The following BCOR variants were observed in gnomAD, a reference collection of about 807,000 sequenced individuals.
BCOR encodes the protein BCL6 corepressor, also known as BCL-6 corepressor.
Under a neutral mutation model 86.7 loss-of-function variants are expected in BCOR, and 10 were observed. The ratio of observed to expected loss-of-function variants is 0.12; its 90% CI spans 0.07 to 0.20. BCOR has a LOEUF of 0.20. BCOR is among the 10% of genes least tolerant of loss of function. BCOR has a pLI of 1.00. For synonymous variants in BCOR, 611 were observed against 609.0 expected (o/e 1.00, Z -0.05); for missense variants, 1,259 against 1,452.1 (o/e 0.87, Z 2.16).
At chrX:40,057,630 A>AC (rs1337118465) in intron 10 of BCOR, among the ~76,000 whole-genome samples, 5 of 111,802 alleles carry the variant, frequency 4.5e-5, no homozygotes, top group African/African-American at 1.6e-4. Flanking sequence ...AAGAAACTGT[A>AC]ATTAGAGACC....
chrX:40,176,931 C>T (rs1336405595), intron 1 of BCOR: 1 of 111,282 alleles, frequency 9.0e-6, no homozygotes, highest in Non-Finnish European at 1.9e-5. Context: ...GGGGCCCTGG[C>T]GTCCTCTACT....
intron 1 of BCOR, among the ~76,000 whole-genome samples, chrX:40,124,034 C>G (rs1937518200): frequency 9.0e-6 from 1 of 111,276 alleles, no homozygotes; most frequent in South Asian, 3.7e-4. Context: ...ACCAGAGAAG[C>G]TGATAGGAGA....
upstream of BCOR, among the ~76,000 whole-genome samples, chrX:40,102,349 C>T (rs1041701021): frequency 7.1e-5 from 8 of 113,064 alleles, no homozygotes; most frequent in African/African-American, 2.6e-4. Flanking sequence ...CTGGCATCTA[C>T]ACTACGGGGG....
At chrX:40,132,218 C>T (rs1937610124) in intron 1 of BCOR, among the ~76,000 whole-genome samples, 1 of 112,176 alleles carries the variant, frequency 8.9e-6, no homozygotes, top group South Asian at 3.7e-4. Context: ...GCTGCAGCCC[C>T]TGTTGATGTG....
chrX:40,055,313 G>A (rs983529624), intron 12 of BCOR, 55 bp downstream of exon 12: 1 of 1,089,170 alleles, frequency 9.2e-7, no homozygotes, highest in African/African-American at 1.8e-5. Flanking sequence ...ATCATCTATT[G>A]TATCGAGTTA....
At chrX:40,094,429 C>A (rs1390638184) in intron 1 of BCOR, among the ~76,000 whole-genome samples, 1 of 112,968 alleles carries the variant, frequency 8.9e-6, no homozygotes, top group Non-Finnish European at 1.9e-5. Context: ...GTAGGGGGCC[C>A]ACAGGCACTG....
chrX:40,055,748 GACTAA>G (rs1360245962), intron 11 of BCOR, among the ~76,000 whole-genome samples: 2 of 102,305 alleles, frequency 2.0e-5, no homozygotes, highest in East Asian at 6.3e-4. Flanking sequence ...TTATTTTGAT[GACTAA>G]CCCTTTACAG....
At chrX:40,083,453 G>A (rs1163668715) in intron 1 of BCOR, among the ~76,000 whole-genome samples, 2 of 112,377 alleles carry the variant, frequency 1.8e-5, no homozygotes, top group African/African-American at 3.2e-5. Flanking sequence ...TAAGGGGGAG[G>A]GGGAAGGGGA....
chrX:40,062,803 C>T lies in BCOR; in HGVS notation c.4116G>A (p.Glu1372=). Residue 1372 remains glutamate (E), a synonymous_variant, in exon 9 of 15, where the codon GAG becomes GAA. Coordinates refer to ENST00000378444, the MANE Select transcript of BCOR (RefSeq NM_001123385.2). ...LCKTKHLIPQ[E]SRRGLPLTGE... is the part of the protein sequence containing the mutation. ...CTGTCAGTGGCAATCCCCGCCTGGACTCCTGAGGGATCAAGTGTTTGGTTT... is the reference window on the plus strand; with the variant it reads ...CTGTCAGTGGCAATCCCCGCCTGGATTCCTGAGGGATCAAGTGTTTGGTTT... The T allele has an allele frequency of 2.5e-6, 3 of 1,211,765 alleles. No homozygotes were observed. The highest frequency in any genetic ancestry group is 3.5e-5 in the South Asian group (2 of 56,913).
chrX:40,126,531 A>AG (rs1569187644), intron 1 of BCOR, among the ~76,000 whole-genome samples: 26 of 110,667 alleles, frequency 2.3e-4, no homozygotes, highest in African/African-American at 8.2e-4. Context: ...TCAAAAAAAA[A>AG]AAAAAAGAAA....
intron 11 of BCOR, among the ~76,000 whole-genome samples, chrX:40,056,672 G>C (rs895926161): frequency 1.1e-4 from 12 of 112,183 alleles, no homozygotes; most frequent in African/African-American, 3.9e-4. Context: ...AAGATGTTCA[G>C]GCTGACTCAG....
intron 1 of BCOR, among the ~76,000 whole-genome samples, chrX:40,138,647 C>T (rs772414712): frequency 2.7e-5 from 3 of 110,618 alleles, no homozygotes; most frequent in East Asian, 2.8e-4. Context: ...CTCCGCCTCC[C>T]GGGTTCAAGC....
rs1255802739 is a variant in BCOR at position 40,057,341 on chromosome X, G to C, written c.4429-20C>G. 8.3e-7 allele frequency: 1 copy of C among 1,200,553 alleles called. No individual in the cohort carries two copies. Among genetic ancestry groups the C allele is most frequent in the Non-Finnish European group, 1.1e-6 (1 of 886,415 alleles). Reference sequence around the variant, plus strand: ...CACTTCCTGTGGGGAGGGGAGGGAAGAATGCCATCAGATCACTGCACAATG... The same window carrying C: ...CACTTCCTGTGGGGAGGGGAGGGAACAATGCCATCAGATCACTGCACAATG... On this transcript the variant is annotated intron_variant, in intron 10 of 14. Coordinates refer to ENST00000378444, the MANE Select transcript of BCOR (RefSeq NM_001123385.2).
chrX:40,133,932 A>G (rs147655029), intron 1 of BCOR, among the ~76,000 whole-genome samples: 249 of 111,000 alleles, frequency 2.2e-3, no homozygotes, highest in African/African-American at 7.8e-3. Context: ...AAGCGAGGAG[A>G]TAAGGCGTAA....
intron 1 of BCOR, among the ~76,000 whole-genome samples, chrX:40,169,659 C>T (rs929327149): frequency 3.6e-5 from 4 of 109,792 alleles, no homozygotes; most frequent in African/African-American, 1.4e-4. Context: ...TAGGACAATC[C>T]CCCCCCTACT....
intron 3 of BCOR, 130 bp from the exon 4 acceptor site, chrX:40,075,310 C>CGGGGTGGG: frequency 6.8e-6 from 1 of 146,485 alleles, no homozygotes. Context: ...GACAGGCTTC[C>CGGGGTGGG]GGCGGGGCGG....
intron 1 of BCOR, among the ~76,000 whole-genome samples, chrX:40,158,088 C>A (rs1938333020): frequency 8.9e-6 from 1 of 112,200 alleles, no homozygotes; most frequent in South Asian, 3.7e-4. Context: ...CAGTGGTCCC[C>A]GCTGGTCCCC....
At chrX:40,175,491 G>A (rs1315153480) in intron 1 of BCOR, among the ~76,000 whole-genome samples, 1 of 113,439 alleles carries the variant, frequency 8.8e-6, no homozygotes, top group Non-Finnish European at 1.9e-5. Flanking sequence ...GTGCGCACAC[G>A]AGAGGTGAAG....
intron 1 of BCOR, among the ~76,000 whole-genome samples, chrX:40,169,305 TGTGC>T (rs1938570332): frequency 8.9e-6 from 1 of 112,025 alleles, no homozygotes; most frequent in Non-Finnish European, 1.9e-5. Context: ...GAGCATCTGA[TGTGC>T]TCAACAGATT....
Sources: gnomAD v4.1 joint callset for allele counts (sites outside exome capture counted in the v4.1 genomes callset) on GRCh38, gnomAD v4.1.1 for gene constraint, MANE v1.5 for transcripts, NCBI Gene and HGNC (gene_info 2026-07-23, HGNC 2026-07-21) for gene names.